INPP1: variants seen among roughly 807,000 people sequenced by gnomAD.
INPP1 encodes inositol polyphosphate 1-phosphatase.
In INPP1, 18 loss-of-function variants were observed where a neutral mutation model predicts 23.0. The ratio of observed to expected loss-of-function variants is 0.78; its 90% CI spans 0.54 to 1.16. The LOEUF is 1.16. Ranked by LOEUF, INPP1 falls within the 50% of genes most tolerant of loss-of-function variation. The pLI, the probability that INPP1 is intolerant of heterozygous loss-of-function variation, is 0.00. For missense variants in INPP1, 448 were observed against 482.1 expected (o/e 0.93, Z 0.66); for synonymous variants, 164 against 176.3 (o/e 0.93, Z 0.55).
rs1309211540 is a variant in INPP1, at chr2:190,371,248, C to T, written c.1046C>T (p.Pro349Leu). Residue 349 changes from proline to leucine, a missense_variant, in exon 7 of 7, where the codon CCA becomes CTA. Pro to Leu is a moderately conservative substitution (Grantham distance 98). Transcript: ENST00000392329. This position sits in a 1 kb window ranked among gnomAD's most constrained non-coding sequence, Gnocchi z 5.3. Reference sequence around the variant, plus strand: ...AATCCAGAAACAGGGCTTGATTTGCCACAGTTGGTGTACCACGTGGAAAAT... The same window carrying T: ...AATCCAGAAACAGGGCTTGATTTGCTACAGTTGGTGTACCACGTGGAAAAT... Reference protein sequence around the residue: ...ERNPETGLDLPQLVYHVENEG... With the variant: ...ERNPETGLDLLQLVYHVENEG... 6.8e-6 allele frequency: 11 copies of T among 1,612,976 alleles called. No individual in the cohort carries two copies. The highest frequency in any genetic ancestry group is 1.1e-5 in the South Asian group (1 of 90,906).
intron 2 of INPP1, among the ~76,000 whole-genome samples, chr2:190,358,946 T>C (rs1236917806): frequency 6.6e-6 from 1 of 152,088 alleles, no homozygotes; most frequent in Non-Finnish European, 1.5e-5. Context: ...AAGTTGGCAA[T>C]GAGATGGCTT....
chr2:190,346,131 G>C lies in INPP1; in HGVS notation c.-209+2170G>C, dbSNP rs549837853. ...TAGTAGGCAAGTCGGGGAGTGGGTAGAGTATAATAGTGGTTTAAAAGATTC... is the reference window on the plus strand; with the variant it reads ...TAGTAGGCAAGTCGGGGAGTGGGTACAGTATAATAGTGGTTTAAAAGATTC... On this transcript the variant is annotated intron_variant, in intron 1 of 6. Transcript: ENST00000392329. The surrounding 1 kb of genome is among the most constrained non-coding windows in gnomAD (Gnocchi z 5.1). 6.6e-6 allele frequency among the ~76,000 whole-genome samples: 1 copy of C among 152,346 alleles called. No individual in the cohort carries two copies. The highest frequency in any genetic ancestry group is 2.1e-4 in the South Asian group (1 of 4,820).
In INPP1 at chr2:190,356,412, T is replaced by G. The variant is rs999222592; in HGVS notation, c.-64-3627T>G. On this transcript the variant is annotated intron_variant, in intron 2 of 6. Coordinates refer to ENST00000392329, the MANE Select transcript of INPP1 (RefSeq NM_001128928.2). This position sits in a 1 kb window ranked among gnomAD's most constrained non-coding sequence, Gnocchi z 6.4. ...CTGCAGTGAATAGCCAGTACTTCTT[T>G]CCCATTGGTCAAGTTGCTGTGCTCG... 4 of 152,228 alleles carry G rather than the reference T, an allele frequency of 2.6e-5. No individual in the cohort carries two copies. Among genetic ancestry groups the G allele is most frequent in the Non-Finnish European group, 5.9e-5 (4 of 68,052 alleles). The allele number at this position is 152,228 out of a possible 1,614,324, so 9.4% of individuals were successfully genotyped here. A position where few individuals can be genotyped will look rare whatever the true frequency, so the allele number is the denominator to read the frequency against.
At position 190,352,697 on chromosome 2, in the gene INPP1, A is replaced by T. The variant is rs915137890; in HGVS notation, c.-65+3666A>T. Among the ~76,000 whole-genome samples, 1 of 152,198 alleles carries T rather than the reference A, an allele frequency of 6.6e-6. No homozygotes were observed. Among genetic ancestry groups the T allele is most frequent in the Non-Finnish European group, 1.5e-5 (1 of 68,042 alleles). Reference sequence around the variant, plus strand: ...GAGTATGGAGCAAAGGAGAGGTGGGACGAAGTCTATGTTTCCCCTACAACA... The same window carrying T: ...GAGTATGGAGCAAAGGAGAGGTGGGTCGAAGTCTATGTTTCCCCTACAACA... On this transcript the variant is annotated intron_variant, in intron 2 of 6. Coordinates refer to ENST00000392329, the MANE Select transcript of INPP1 (RefSeq NM_001128928.2). The surrounding 1 kb of genome is among the most constrained non-coding windows in gnomAD (Gnocchi z 4.7).
At position 190,368,998 on chromosome 2, in the gene INPP1, TA is replaced by T; in HGVS notation, c.467-99del. On this transcript the variant is annotated intron_variant, in intron 5 of 6. Transcript: ENST00000392329. The surrounding 1 kb of genome is among the most constrained non-coding windows in gnomAD (Gnocchi z 4.3). ...AATTCAATACAGTGACATCCAAAGG[TA>T]AAAAATTATTGGTTACCAAATCAGT... The T allele has an allele frequency of 1.7e-6, 1 of 603,498 alleles. No individual in the cohort carries two copies. Among genetic ancestry groups the T allele is most frequent in the Non-Finnish European group, 2.7e-6 (1 of 368,684 alleles). 37.4% of individuals were successfully genotyped at this position (603,498 alleles called of 1,614,324 possible).
rs181255257 is a variant in INPP1 at position 190,354,037 on chromosome 2, A to G, written c.-65+5006A>G. The stretch of plus-strand genomic sequence containing the variant: ...TGACACAATTTTATGTTAAACATAT[A>G]GATACGTACATTTGGTTTGAGATGG... On this transcript the variant is annotated intron_variant, in intron 2 of 6. Transcript: ENST00000392329. The surrounding 1 kb of genome is among the most constrained non-coding windows in gnomAD (Gnocchi z 4.8). Among the ~76,000 whole-genome samples, 14 of 152,364 alleles carry G rather than the reference A, an allele frequency of 9.2e-5. No individual in the cohort carries two copies. The East Asian group carries it at 1.5e-3, about 17-fold the overall frequency.
chr2:190,369,161 C>G lies in INPP1; in HGVS notation c.525C>G (p.Phe175Leu). ...ACATTAAATCCAACCAGGGAATCTTCCCCTGTGGACTTCAGTGTGTCACCA... is the reference window on the plus strand; with the variant it reads ...ACATTAAATCCAACCAGGGAATCTTGCCCTGTGGACTTCAGTGTGTCACCA... The part of the protein sequence containing the change: ...SADIKSNQGI[F>L]PCGLQCVTIL... The change falls in exon 6 of 7, where the codon TTC becomes TTG. Residue 175 changes from phenylalanine to leucine, a missense_variant. Physicochemically the swap from Phe to Leu is conservative, Grantham distance 22. Transcript: ENST00000392329. The G allele has an allele frequency of 6.2e-7, 1 of 1,608,156 alleles. No homozygotes were observed. Among genetic ancestry groups the G allele is most frequent in the South Asian group, 1.1e-5 (1 of 90,498 alleles).
rs149339023 is a variant in INPP1 at position 190,352,986 on chromosome 2, G to A, written c.-65+3955G>A. On this transcript the variant is annotated intron_variant, in intron 2 of 6. Transcript: ENST00000392329. This position sits in a 1 kb window ranked among gnomAD's most constrained non-coding sequence, Gnocchi z 4.7. ...CGTGGGGGTGGGGTGGAGTCAATGCGCAATGGGCAAAAATGTGTACTCTGT... is the reference window on the plus strand; with the variant it reads ...CGTGGGGGTGGGGTGGAGTCAATGCACAATGGGCAAAAATGTGTACTCTGT... Among the ~76,000 whole-genome samples the A allele has an allele frequency of 6.8e-3, 1,028 of 152,256 alleles. 11 individuals are homozygous for A. The highest frequency in any genetic ancestry group is 0.023 in the African/African-American group (972 of 41,540).
At position 190,345,686 on chromosome 2, in the gene INPP1, G is replaced by A. The variant is rs1433733488; in HGVS notation, c.-209+1725G>A. 6.6e-6 allele frequency: 1 copy of A among 152,208 alleles called. No homozygotes were observed. The highest frequency in any genetic ancestry group is 1.5e-5 in the Non-Finnish European group (1 of 68,044). 9.4% of individuals were successfully genotyped at this position (152,208 alleles called of 1,614,324 possible). A position where few individuals can be genotyped will look rare whatever the true frequency, so the allele number is the denominator to read the frequency against. The stretch of plus-strand genomic sequence containing the variant: ...TTAATAAAACTATGTTAATGTGTTT[G>A]GCTGAGAGCTTAGAAATAAAGGCTC... On this transcript the variant is annotated intron_variant, in intron 1 of 6. Transcript: ENST00000392329. The surrounding 1 kb of genome is among the most constrained non-coding windows in gnomAD (Gnocchi z 4.9).
rs774250819 is a variant in INPP1 at position 190,370,965 on chromosome 2, G to T, written c.763G>T (p.Ala255Ser). The change falls in exon 7 of 7, where the codon GCA becomes TCA. Residue 255 changes from alanine (A) to serine (S), a missense_variant. Ala to Ser is a moderately conservative substitution (Grantham distance 99). Coordinates refer to ENST00000392329, the MANE Select transcript of INPP1 (RefSeq NM_001128928.2). ...CACTGGAAACACCGGCTCTGAGGCA[G>T]CATTCTCCCCCAGTTTTTCAGCCGT... is the stretch of plus-strand genomic sequence containing the variant. ...THTGNTGSEA[A>S]FSPSFSAVIS... 37 of 1,614,062 alleles carry T rather than the reference G, an allele frequency of 2.3e-5. No individual in the cohort carries two copies. In the Admixed American group the frequency reaches 5.3e-4, roughly 23 times the overall value.
At chr2:190,351,049 T>C (rs1233741035) in intron 2 of INPP1, among the ~76,000 whole-genome samples, 2 of 152,258 alleles carry the variant, frequency 1.3e-5, no homozygotes, top group Non-Finnish European at 2.9e-5. Context: ...AAGGATGAAT[T>C]CTGTATTCAC....
At chr2:190,350,168 G>A (rs1689298827) in intron 2 of INPP1, among the ~76,000 whole-genome samples, 1 of 152,180 alleles carries the variant, frequency 6.6e-6, no homozygotes. Flanking sequence ...TTTCTAAATG[G>A]AATACTTTTT....
chr2:190,370,590 G>A (rs1399591981), intron 6 of INPP1, among the ~76,000 whole-genome samples: 1 of 152,144 alleles, frequency 6.6e-6, no homozygotes, highest in Non-Finnish European at 1.5e-5. Flanking sequence ...ATGTTTTAGT[G>A]TTGTCCTAGA....
intron 3 of INPP1, among the ~76,000 whole-genome samples, chr2:190,360,800 A>G (rs1371145876): frequency 1.3e-5 from 2 of 151,074 alleles, no homozygotes; most frequent in African/African-American, 2.4e-5. Context: ...TTTTAACTTG[A>G]TATGTTAAGT....
In INPP1 at chr2:190,371,553, T is replaced by G; in HGVS notation, c.*151T>G. On this transcript the variant is annotated 3_prime_UTR_variant, in exon 7 of 7. Coordinates refer to ENST00000392329, the MANE Select transcript of INPP1 (RefSeq NM_001128928.2). This position sits in a 1 kb window ranked among gnomAD's most constrained non-coding sequence, Gnocchi z 5.3. ...TTTCCATTATGTATTCATAATAATG[T>G]TAATTTCAATAAATGACATTCATGC... 5.9e-6 allele frequency: 3 copies of G among 504,974 alleles called. No homozygotes were observed. Among genetic ancestry groups the G allele is most frequent in the Non-Finnish European group, 1.0e-5 (3 of 295,970 alleles). The allele number at this position is 504,974 out of a possible 1,614,324, so 31.3% of individuals were successfully genotyped here.
chr2:190,366,277 C>CTCTCTCTCGCTCTCTG (rs1292753277), intron 4 of INPP1, among the ~76,000 whole-genome samples: 5 of 145,816 alleles, frequency 3.4e-5, no homozygotes, highest in Non-Finnish European at 7.6e-5. Flanking sequence ...CTCTTCCTGT[C>CTCTCTCTCGCTCTCTG]TCTCTCTCGC....
chr2:190,344,564 T>C (rs1298399195), intron 1 of INPP1, among the ~76,000 whole-genome samples: 2 of 152,158 alleles, frequency 1.3e-5, no homozygotes, highest in Non-Finnish European at 2.9e-5. Flanking sequence ...TTTTGAAAGG[T>C]GGTTTTGTGA....
intron 2 of INPP1, among the ~76,000 whole-genome samples, chr2:190,351,987 A>G (rs1348223276): frequency 1.3e-5 from 2 of 152,176 alleles, no homozygotes; most frequent in African/African-American, 2.4e-5. Flanking sequence ...TTTTTATTTT[A>G]GCTATTCCAT....
In INPP1 at chr2:190,352,579, C is replaced by T. The variant is rs895538562; in HGVS notation, c.-65+3548C>T. Among the ~76,000 whole-genome samples, 2 of 152,140 alleles carry T rather than the reference C, an allele frequency of 1.3e-5. No homozygotes were observed. Among genetic ancestry groups the T allele is most frequent in the Non-Finnish European group, 2.9e-5 (2 of 68,010 alleles). On this transcript the variant is annotated intron_variant, in intron 2 of 6. Coordinates refer to ENST00000392329, the MANE Select transcript of INPP1 (RefSeq NM_001128928.2). This position sits in a 1 kb window ranked among gnomAD's most constrained non-coding sequence, Gnocchi z 4.7. Reference sequence around the variant, plus strand: ...CAAGTGACACAACACAGCGAGCCCCCCCTCCATATTTAGTGTGGGCCCACT... The same window carrying T: ...CAAGTGACACAACACAGCGAGCCCCTCCTCCATATTTAGTGTGGGCCCACT...
Sources: allele counts gnomAD v4.1 joint callset (sites outside exome capture counted in the v4.1 genomes callset), GRCh38; gene constraint gnomAD v4.1.1; non-coding constraint Gnocchi (gnomAD v3.1); transcripts MANE v1.5; gene names NCBI Gene and HGNC (gene_info 2026-07-23, HGNC 2026-07-21).